The following RBFOX1 variants were observed in gnomAD, a reference collection of about 807,000 sequenced individuals.
RBFOX1 encodes RNA binding protein fox-1 homolog 1.
Under a neutral mutation model 57.7 loss-of-function variants are expected in RBFOX1, and 8 were observed. The observed-to-expected ratio is 0.14, with a 90% CI of 0.08 to 0.25. The LOEUF is 0.25. Among genes scored for constraint, RBFOX1 ranks in the 10% least tolerant of loss-of-function variants. The pLI is 1.00. For missense variants in RBFOX1, 611 were observed against 548.5 expected (o/e 1.11, Z -1.14); for synonymous variants, 326 against 222.4 (o/e 1.47, Z -4.15).
chr16:5,314,902 A>T (rs924526282), intron 1 of RBFOX1, among the ~76,000 whole-genome samples: 15 of 152,106 alleles, frequency 9.9e-5, no homozygotes, highest in African/African-American at 3.1e-4. Context: ...TTATAACAAC[A>T]CAGACAAAAA....
intron 3 of RBFOX1, among the ~76,000 whole-genome samples, chr16:6,923,979 G>C (rs1318733762): frequency 6.6e-6 from 1 of 151,934 alleles, no homozygotes; most frequent in Non-Finnish European, 1.5e-5. Context: ...AGACCATCCT[G>C]GCCAACATGG....
At chr16:7,571,219 A>AAG (rs1206061590) in intron 5 of RBFOX1, among the ~76,000 whole-genome samples, 12 of 151,992 alleles carry the variant, frequency 7.9e-5, no homozygotes, top group Admixed American at 7.9e-4. Context: ...GGAAGAAAAA[A>AAG]AAATCCTTCC....
intron 5 of RBFOX1, among the ~76,000 whole-genome samples, chr16:7,547,220 A>C (rs1468175983): frequency 6.6e-6 from 1 of 152,226 alleles, no homozygotes; most frequent in Admixed American, 6.5e-5. Context: ...CCAAAGGTTA[A>C]CGTAGTGTGC....
intron 2 of RBFOX1, among the ~76,000 whole-genome samples, chr16:6,578,018 C>T (rs1000775287): frequency 2.6e-5 from 4 of 152,134 alleles, no homozygotes; most frequent in African/African-American, 9.7e-5. Flanking sequence ...CCCAACAGTG[C>T]TTATTTCATT....
chr16:7,041,470 T>A (rs956899312), intron 3 of RBFOX1, among the ~76,000 whole-genome samples: 2 of 152,162 alleles, frequency 1.3e-5, no homozygotes, highest in Non-Finnish European at 2.9e-5. Context: ...TTGGCATTCT[T>A]CTCAGTTCTG....
At position 6,272,162 on chromosome 16, in the gene RBFOX1, A is replaced by G. The variant is rs547367378; in HGVS notation, c.-126-44833A>G. On this transcript the variant is annotated intron_variant, in intron 1 of 15. Coordinates refer to ENST00000550418, the MANE Select transcript of RBFOX1 (RefSeq NM_018723.4). Reference sequence around the variant, plus strand: ...CAATATTTACAATTAAATCAATGTAATCTACCCTACCAATAGGCTGAAGAG... The same window carrying G: ...CAATATTTACAATTAAATCAATGTAGTCTACCCTACCAATAGGCTGAAGAG... 2.6e-5 allele frequency among the ~76,000 whole-genome samples: 4 copies of G among 152,298 alleles called. No individual in the cohort carries two copies. In the East Asian group the frequency reaches 5.8e-4, roughly 22 times the overall value.
At chr16:6,863,655 G>GTT (rs1228130520) in intron 3 of RBFOX1, among the ~76,000 whole-genome samples, 1 of 58,438 alleles carries the variant, frequency 1.7e-5, no homozygotes, top group African/African-American at 7.8e-5. Context: ...CCAAGGTTCT[G>GTT]TTTTTTTTTT....
chr16:7,325,433 G>A (rs1436472481), intron 4 of RBFOX1, among the ~76,000 whole-genome samples: 1 of 152,314 alleles, frequency 6.6e-6, no homozygotes, highest in Admixed American at 6.5e-5. Context: ...AGGGAGCCAG[G>A]CATGGTAAGA....
At chr16:6,899,845 T>C (rs951209821) in intron 3 of RBFOX1, among the ~76,000 whole-genome samples, 1 of 152,210 alleles carries the variant, frequency 6.6e-6, no homozygotes, top group East Asian at 1.9e-4. Flanking sequence ...AGCATTTCGT[T>C]AGTAAATAAT....
At chr16:5,245,129 G>A (rs1028595336) in intron 1 of RBFOX1, among the ~76,000 whole-genome samples, 1 of 152,214 alleles carries the variant, frequency 6.6e-6, no homozygotes, top group African/African-American at 2.4e-5. Flanking sequence ...GTTGGAGGCT[G>A]GGACAGGGGT....
At chr16:6,249,977 C>T (rs988992569) in intron 1 of RBFOX1, among the ~76,000 whole-genome samples, 5 of 151,954 alleles carry the variant, frequency 3.3e-5, no homozygotes, top group South Asian at 2.1e-4. Flanking sequence ...GGCAGTGGAG[C>T]AGGAAATGGC....
intron 3 of RBFOX1, among the ~76,000 whole-genome samples, chr16:6,836,858 T>G (rs1193758949): frequency 1.3e-5 from 2 of 152,206 alleles, no homozygotes; most frequent in Non-Finnish European, 2.9e-5. Context: ...TGCAGAATAC[T>G]TACTGCTGAA....
intron 4 of RBFOX1, among the ~76,000 whole-genome samples, chr16:5,957,204 A>T (rs936064495): frequency 1.3e-5 from 2 of 151,680 alleles, no homozygotes; most frequent in Non-Finnish European, 2.9e-5. Context: ...GAAACAATTT[A>T]TTTTTTTTCT....
intron 3 of RBFOX1, among the ~76,000 whole-genome samples, chr16:6,932,773 T>C (rs1399529754): frequency 3.3e-5 from 5 of 152,248 alleles, no homozygotes; most frequent in African/African-American, 1.2e-4. Context: ...ATTTTAACTT[T>C]TTATTGCACA....
intron 2 of RBFOX1, among the ~76,000 whole-genome samples, chr16:6,474,129 T>A (rs950251220): frequency 4.6e-5 from 7 of 152,102 alleles, no homozygotes; most frequent in Admixed American, 1.3e-4. Context: ...GTGTATGCAG[T>A]CTATCCTTGA....
chr16:7,248,546 T>G (rs1372177771), intron 4 of RBFOX1, among the ~76,000 whole-genome samples: 1 of 152,184 alleles, frequency 6.6e-6, no homozygotes, highest in East Asian at 1.9e-4. Context: ...CACAGATGGT[T>G]TTACCTGTCA....
chr16:5,713,789 C>T (rs904491950), intron 3 of RBFOX1, among the ~76,000 whole-genome samples: 3 of 152,100 alleles, frequency 2.0e-5, no homozygotes, highest in African/African-American at 7.2e-5. Context: ...TGATTTTGCC[C>T]AAGTCGATAA....
At chr16:6,308,040 A>C (rs2079749247) in intron 1 of RBFOX1, among the ~76,000 whole-genome samples, 1 of 150,306 alleles carries the variant, frequency 6.7e-6, no homozygotes, top group Non-Finnish European at 1.5e-5. Context: ...TATTTATATA[A>C]GTTTCTTTGG....
intron 1 of RBFOX1, among the ~76,000 whole-genome samples, chr16:6,146,014 T>C (rs984237383): frequency 6.6e-6 from 1 of 152,190 alleles, no homozygotes. Context: ...GTGTGGAGGT[T>C]AAGATGATAA....
Sources: gnomAD v4.1 joint callset for allele counts (sites outside exome capture counted in the v4.1 genomes callset) on GRCh38, gnomAD v4.1.1 for gene constraint, MANE v1.5 for transcripts, NCBI Gene and HGNC (gene_info 2026-07-23, HGNC 2026-07-21) for gene names.